Variants in SHISAL1 observed in about 807,000 individuals in gnomAD.
The protein encoded by SHISAL1 is shisa like 1, also known as protein shisa-like-1.
In SHISAL1, 9 loss-of-function variants were observed where a neutral mutation model predicts 22.6. The observed-to-expected ratio is 0.40, with a 90% CI of 0.24 to 0.70. The LOEUF is 0.70. SHISAL1 is among the 30% of genes least tolerant of loss of function. The pLI is 0.39. For missense variants in SHISAL1, 246 were observed against 270.6 expected (o/e 0.91, Z 0.64); for synonymous variants, 119 against 115.4 (o/e 1.03, Z -0.20).
At chr22:44,253,987 G>C (rs2055067784) in intron 4 of SHISAL1, among the ~76,000 whole-genome samples, 1 of 151,822 alleles carries the variant, frequency 6.6e-6, no homozygotes. Context: ...CAATATACTA[G>C]AATTTGAAAA....
At chr22:44,291,526 T>C (rs924968624) in intron 3 of SHISAL1, among the ~76,000 whole-genome samples, 1 of 152,122 alleles carries the variant, frequency 6.6e-6, no homozygotes, top group African/African-American at 2.4e-5. Flanking sequence ...GAGGAAGTCC[T>C]CATAAGTGTT....
At chr22:44,331,686 G>A in the SHISAL1 span, among the ~76,000 whole-genome samples, 4 of 148,118 alleles carry the variant, frequency 2.7e-5, no homozygotes, top group African/African-American at 9.8e-5. The surrounding 1 kb of genome is among the most constrained non-coding windows in gnomAD (Gnocchi z 5.2). Context: ...GAAGGCGCCC[G>A]CTCCTAGGCG....
chr22:44,246,267 C>T lies in SHISAL1; in HGVS notation c.*3418G>A, dbSNP rs1397404892. On this transcript the variant is annotated 3_prime_UTR_variant, in exon 5 of 5. Coordinates refer to ENST00000381176, the MANE Select transcript of SHISAL1 (RefSeq NM_001099294.2). ...CATAAAACTGCTCATTAATTACACA[C>T]AGTTCCCAGTGGGAAACAGTCCTTA... is the stretch of plus-strand genomic sequence containing the variant. The T allele has an allele frequency of 2.0e-5, 3 of 152,240 alleles. No homozygotes were observed. Among genetic ancestry groups the T allele is most frequent in the Non-Finnish European group, 4.4e-5 (3 of 68,058 alleles). 9.4% of individuals were successfully genotyped at this position (152,240 alleles called of 1,614,324 possible).
At chr22:44,302,004 C>T (rs926513426) in intron 1 of SHISAL1, among the ~76,000 whole-genome samples, 36 of 151,978 alleles carry the variant, frequency 2.4e-4, no homozygotes, top group African/African-American at 7.3e-4. Context: ...GAGGGTCGCA[C>T]AACACTGAAT....
the SHISAL1 span, among the ~76,000 whole-genome samples, chr22:44,330,663 G>GT: frequency 0.13 from 19,387 of 146,170 alleles, 1,382 homozygotes; most frequent in Admixed American, 0.2. Flanking sequence ...TTTTCCCCCT[G>GT]TTTTTTTTTC....
rs2054988945 is a variant in SHISAL1, at chr22:44,245,234, C to G, written c.*4451G>C. ...AGACGAAAACAACCCACGTGGATGT[C>G]TCCCTACAGTGATAGGGGGCCCTTC... On this transcript the variant is annotated 3_prime_UTR_variant, in exon 5 of 5. Transcript: ENST00000381176. The G allele has an allele frequency of 6.6e-6, 1 of 152,252 alleles. No homozygotes were observed. The highest frequency in any genetic ancestry group is 6.5e-5 in the Admixed American group (1 of 15,288). 9.4% of individuals were successfully genotyped at this position (152,252 alleles called of 1,614,324 possible). A position where few individuals can be genotyped will look rare whatever the true frequency, so the allele number is the denominator to read the frequency against.
chr22:44,308,302 C>T (rs576623396), intron 1 of SHISAL1, among the ~76,000 whole-genome samples: 6 of 152,232 alleles, frequency 3.9e-5, no homozygotes, highest in Admixed American at 3.9e-4. Flanking sequence ...CCCTAGGCGG[C>T]CCCCAGAGCC....
At chr22:44,262,010 T>A (rs188328498) in intron 4 of SHISAL1, among the ~76,000 whole-genome samples, 1 of 146,906 alleles carries the variant, frequency 6.8e-6, no homozygotes, top group Non-Finnish European at 1.5e-5. Flanking sequence ...CAGAACTGAG[T>A]CAGGTGTGGG....
At chr22:44,317,340 G>A (rs1297282487), upstream of SHISAL1, among the ~76,000 whole-genome samples, 3 of 152,318 alleles carry the variant, frequency 2.0e-5, no homozygotes, top group East Asian at 1.9e-4. Flanking sequence ...GTCCTTACTC[G>A]GGGCGGTCCG....
Position 44,286,266 on chromosome 22 carries a change from A to C in SHISAL1, c.282-521T>G, listed in dbSNP as rs565567963. 2.0e-5 allele frequency among the ~76,000 whole-genome samples: 3 copies of C among 151,826 alleles called. No homozygotes were observed. In the South Asian group the frequency reaches 6.3e-4, roughly 32 times the overall value. The stretch of plus-strand genomic sequence containing the variant: ...AGAGGCATCAGGTTCTGCCCTCTAG[A>C]CCCTCTCTCAGCCTCCCCCAGGGGT... On this transcript the variant is annotated intron_variant, in intron 3 of 4. Coordinates refer to ENST00000381176, the MANE Select transcript of SHISAL1 (RefSeq NM_001099294.2).
intron 4 of SHISAL1, among the ~76,000 whole-genome samples, chr22:44,255,718 C>T (rs114277318): frequency 3.3e-5 from 5 of 152,202 alleles, no homozygotes; most frequent in African/African-American, 1.2e-4. Context: ...CCCCTTTCCT[C>T]AAAACTCTCA....
In SHISAL1 at chr22:44,285,458, G is replaced by A. The variant is rs375503885; in HGVS notation, c.569C>T (p.Pro190Leu). The A allele has an allele frequency of 2.0e-5, 32 of 1,613,918 alleles. No homozygotes were observed. The highest frequency in any genetic ancestry group is 3.3e-4 in the Middle Eastern group (2 of 6,084). Residue 190 changes from proline to leucine, a missense_variant, in exon 4 of 5, where the codon CCG (proline) becomes CTG (leucine). Transcript: ENST00000381176. ...HTLRGDAHSP[P>L]LMTFQSSSA is the part of the protein sequence containing the mutation. ...AGACGAACTCTGGAAGGTCATCAGCGGTGGGCTGTGAGCATCTCCCCGCAA... is the reference window on the plus strand; with the variant it reads ...AGACGAACTCTGGAAGGTCATCAGCAGTGGGCTGTGAGCATCTCCCCGCAA...
chr22:44,283,842 G>A (rs2055293051), intron 4 of SHISAL1, among the ~76,000 whole-genome samples: 1 of 152,160 alleles, frequency 6.6e-6, no homozygotes, highest in African/African-American at 2.4e-5. Flanking sequence ...TAGGCTCTGG[G>A]TCTTTAGTTT....
chr22:44,300,120 GAGAC>G (rs1237393685), intron 2 of SHISAL1, among the ~76,000 whole-genome samples: 1 of 142,338 alleles, frequency 7.0e-6, no homozygotes, highest in Non-Finnish European at 1.5e-5. Context: ...CAGAGAGACA[GAGAC>G]AGAGAGACAG....
At chr22:44,301,657 G>A (rs1215201187) in intron 1 of SHISAL1, among the ~76,000 whole-genome samples, 1 of 152,188 alleles carries the variant, frequency 6.6e-6, no homozygotes, top group African/African-American at 2.4e-5. Context: ...GGCAACCCAT[G>A]TGCCCATCGA....
At chr22:44,324,685 C>T in the SHISAL1 span, among the ~76,000 whole-genome samples, 1 of 152,204 alleles carries the variant, frequency 6.6e-6, no homozygotes, top group Admixed American at 6.5e-5. Flanking sequence ...GAGCAAGCAG[C>T]GGAGACTTGT....
intron 4 of SHISAL1, among the ~76,000 whole-genome samples, chr22:44,279,508 T>C (rs576758896): frequency 6.6e-6 from 1 of 152,242 alleles, no homozygotes; most frequent in African/African-American, 2.4e-5. Context: ...AGGAAGAACA[T>C]GATGCTTGGG....
intron 4 of SHISAL1, among the ~76,000 whole-genome samples, chr22:44,269,059 C>T (rs367581243): frequency 1.3e-5 from 2 of 152,030 alleles, no homozygotes; most frequent in African/African-American, 2.4e-5. Context: ...GCTTCCCCGA[C>T]GTCCTTTCTA....
intron 4 of SHISAL1, among the ~76,000 whole-genome samples, chr22:44,280,952 C>A (rs537050942): frequency 1.3e-5 from 2 of 152,250 alleles, no homozygotes; most frequent in South Asian, 4.1e-4. Context: ...GCGGCACCTC[C>A]CAGGACCCAG....
Sources: allele counts gnomAD v4.1 joint callset (sites outside exome capture counted in the v4.1 genomes callset), GRCh38; gene constraint gnomAD v4.1.1; non-coding constraint Gnocchi (gnomAD v3.1); transcripts MANE v1.5; gene names NCBI Gene and HGNC (gene_info 2026-07-23, HGNC 2026-07-21).